PARVB: variants seen among roughly 807,000 people sequenced by gnomAD.
PARVB encodes the protein parvin beta.
In PARVB, 46 loss-of-function variants were observed where a neutral mutation model predicts 47.0. The observed-to-expected ratio is 0.98, with a 90% CI of 0.77 to 1.25. PARVB has a LOEUF of 1.25. Ranked by LOEUF, PARVB falls within the 50% of genes most tolerant of loss-of-function variation. The probability of loss-of-function intolerance (pLI) is 0.00; values close to 1 mark genes in which losing one functional copy is unlikely to be tolerated. For missense variants in PARVB, 473 were observed against 471.6 expected (o/e 1.00, Z -0.03); for synonymous variants, 196 against 196.3 (o/e 1.00, Z 0.01).
chr22:44,143,269 T>G (rs2053594552), intron 8 of PARVB: 1 of 152,428 alleles, frequency 6.6e-6, no homozygotes, highest in South Asian at 2.1e-4. Flanking sequence ...TCCTCTTCCC[T>G]GTGCCAGTGT....
At chr22:44,134,092 C>A (rs895961198) in intron 6 of PARVB, among the ~76,000 whole-genome samples, 2 of 152,150 alleles carry the variant, frequency 1.3e-5, no homozygotes, top group Non-Finnish European at 2.9e-5. Flanking sequence ...GGTTTTTAAA[C>A]TTCTCAGTCC....
intron 2 of PARVB, among the ~76,000 whole-genome samples, chr22:44,099,724 C>G (rs193173940): frequency 2.1e-4 from 32 of 152,330 alleles, no homozygotes; most frequent in African/African-American, 5.3e-4. Flanking sequence ...ATACCAGATT[C>G]CGGCCAGCGG....
intron 1 of PARVB, among the ~76,000 whole-genome samples, chr22:44,067,145 T>C (rs1169212754): frequency 1.3e-5 from 2 of 152,282 alleles, no homozygotes; most frequent in East Asian, 3.9e-4. Context: ...CCAGGCCCCT[T>C]TAATTTATTC....
chr22:44,010,913 A>ATTTT (rs2050515608), intron 2 of PARVB, among the ~76,000 whole-genome samples: 1 of 124,498 alleles, frequency 8.0e-6, no homozygotes, highest in African/African-American at 3.2e-5. Context: ...TTTTTTTGAG[A>ATTTT]TGGAGTCTCG....
At chr22:44,057,934 T>TTA (rs1246813719) in intron 1 of PARVB, among the ~76,000 whole-genome samples, 1 of 151,994 alleles carries the variant, frequency 6.6e-6, no homozygotes, top group Non-Finnish European at 1.5e-5. Context: ...GGGGTGGGGC[T>TTA]GAGAGCCGCT....
intron 1 of PARVB, among the ~76,000 whole-genome samples, chr22:44,071,473 A>G (rs933803249): frequency 3.3e-5 from 5 of 152,172 alleles, no homozygotes; most frequent in African/African-American, 1.2e-4. Context: ...AGGTCTGCTA[A>G]GTTTTCTTTT....
intron 2 of PARVB, among the ~76,000 whole-genome samples, chr22:44,003,204 G>A (rs534980897): frequency 8.5e-5 from 13 of 152,158 alleles, no homozygotes; most frequent in South Asian, 2.1e-4. Context: ...GGATCCATCC[G>A]TTACTGTGAA....
At chr22:44,110,128 A>G (rs1382600749) in intron 3 of PARVB, 1 of 142,554 alleles carries the variant, frequency 7.0e-6, no homozygotes, top group South Asian at 2.2e-4. Flanking sequence ...AAAAAAAAAA[A>G]AAAAAAAAAA....
At chr22:44,021,207 C>CA (rs2050643771), upstream of PARVB, among the ~76,000 whole-genome samples, 6 of 152,340 alleles carry the variant, frequency 3.9e-5, no homozygotes, top group South Asian at 1.2e-3. Context: ...TGAAGCCCCG[C>CA]AAGGCCTGTC....
intron 3 of PARVB, chr22:44,107,607 C>G (rs2052596390): frequency 6.6e-6 from 1 of 152,182 alleles, no homozygotes; most frequent in Non-Finnish European, 1.5e-5. Flanking sequence ...TTGGGTCTAT[C>G]AGTCCTACCC....
intron 1 of PARVB, among the ~76,000 whole-genome samples, chr22:44,055,113 A>G (rs1043666029): frequency 6.6e-6 from 1 of 151,954 alleles, no homozygotes; most frequent in Non-Finnish European, 1.5e-5. Flanking sequence ...CATACAAAAG[A>G]GTGTACATAT....
chr22:44,069,437 G>A (rs1427016863), intron 1 of PARVB, among the ~76,000 whole-genome samples: 2 of 152,156 alleles, frequency 1.3e-5, no homozygotes, highest in Non-Finnish European at 2.9e-5. Context: ...GGGCCCAGAA[G>A]AATGGGATTT....
chr22:44,031,810 T>C (rs1283868257), intron 1 of PARVB, among the ~76,000 whole-genome samples: 2 of 152,278 alleles, frequency 1.3e-5, no homozygotes, highest in Non-Finnish European at 2.9e-5. Flanking sequence ...CGAGTATGGA[T>C]TTTAAGTGCT....
chr22:44,134,514 C>T (rs2053400510), intron 6 of PARVB, among the ~76,000 whole-genome samples: 1 of 152,216 alleles, frequency 6.6e-6, no homozygotes. Flanking sequence ...AAAGTTTGAA[C>T]CAGGCAAGCA....
At chr22:44,121,558 T>TAA (rs60091880) in intron 4 of PARVB, among the ~76,000 whole-genome samples, 46 of 149,502 alleles carry the variant, frequency 3.1e-4, no homozygotes, top group East Asian at 2.1e-3. Flanking sequence ...TGTCCTTTTT[T>TAA]AAAAAAAAAA....
chr22:44,092,886 G>A (rs990098910), intron 1 of PARVB, among the ~76,000 whole-genome samples: 12 of 152,230 alleles, frequency 7.9e-5, no homozygotes, highest in African/African-American at 2.7e-4. Context: ...CAAGGTTCAA[G>A]GTGATTCTGG....
intron 1 of PARVB, among the ~76,000 whole-genome samples, chr22:44,046,467 A>C (rs1256560323): frequency 6.6e-6 from 1 of 152,184 alleles, no homozygotes; most frequent in Non-Finnish European, 1.5e-5. Context: ...TTGGCCTGCA[A>C]GGTAGGAGCT....
At chr22:44,026,081 C>A (rs1245042028) in intron 1 of PARVB, among the ~76,000 whole-genome samples, 1 of 152,184 alleles carries the variant, frequency 6.6e-6, no homozygotes, top group African/African-American at 2.4e-5. Flanking sequence ...CATAGAATGG[C>A]AAGGAACCGG....
chr22:44,049,352 C>T lies in PARVB; in HGVS notation c.112+24901C>T, dbSNP rs868678337. Among the ~76,000 whole-genome samples the T allele has an allele frequency of 6.6e-6, 1 of 152,234 alleles. No individual in the cohort carries two copies. The highest frequency in any genetic ancestry group is 1.5e-5 in the Non-Finnish European group (1 of 68,044). On this transcript the variant is annotated intron_variant, in intron 1 of 12. Coordinates refer to ENST00000338758, the MANE Select transcript of PARVB (RefSeq NM_013327.5). This position sits in a 1 kb window ranked among gnomAD's most constrained non-coding sequence, Gnocchi z 4.0. ...GTTTTCTCCTCCCAGCCCCCTTTCT[C>T]ACTTCAGGCCCTAGACAAGAATCGG...
Sources: allele counts gnomAD v4.1 joint callset (sites outside exome capture counted in the v4.1 genomes callset), GRCh38; gene constraint gnomAD v4.1.1; non-coding constraint Gnocchi (gnomAD v3.1); transcripts MANE v1.5; gene names NCBI Gene and HGNC (gene_info 2026-07-23, HGNC 2026-07-21).